FDFT1: variants seen among roughly 807,000 people sequenced by gnomAD.
FDFT1 encodes farnesyl-diphosphate farnesyltransferase 1, also known as squalene synthase.
In FDFT1, 68 loss-of-function variants were observed where a neutral mutation model predicts 46.8. That is an observed-to-expected ratio of 1.45 (90% CI 1.19 to 1.78). The LOEUF is 1.78. Ranked by LOEUF, FDFT1 falls within the 40% of genes most tolerant of loss-of-function variation. FDFT1 has a pLI of 0.00. For missense variants in FDFT1, 928 were observed against 524.4 expected (o/e 1.77, Z -7.52); for synonymous variants, 351 against 185.1 (o/e 1.90, Z -7.28).
At chr8:11,812,881 G>A (rs1488590876) in intron 3 of FDFT1, among the ~76,000 whole-genome samples, 1 of 152,198 alleles carries the variant, frequency 6.6e-6, no homozygotes, top group Admixed American at 6.5e-5. Flanking sequence ...TTCGATTAGA[G>A]TACAGTCATG....
chr8:11,812,174 G>A (rs531871106), intron 3 of FDFT1, among the ~76,000 whole-genome samples: 6 of 152,314 alleles, frequency 3.9e-5, no homozygotes, highest in African/African-American at 1.4e-4. Flanking sequence ...CTGGGGCCAT[G>A]GGAATGTGCT....
At chr8:11,812,110 C>A (rs1807798133) in intron 3 of FDFT1, among the ~76,000 whole-genome samples, 4 of 152,206 alleles carry the variant, frequency 2.6e-5, no homozygotes, top group Admixed American at 2.0e-4. Context: ...TGAAACTCCT[C>A]ACTTCAGAGT....
intron 3 of FDFT1, among the ~76,000 whole-genome samples, chr8:11,814,350 A>G (rs1808151932): frequency 1.4e-5 from 2 of 138,382 alleles, no homozygotes; most frequent in African/African-American, 2.8e-5. Context: ...AGTTGATGTT[A>G]ATCAGAAATC....
At chr8:11,802,103 A>G (rs900674443), upstream of FDFT1, 5 of 454,948 alleles carry the variant, frequency 1.1e-5, no homozygotes, top group Middle Eastern at 5.1e-4. Context: ...CTGGATCTCA[A>G]GTAAACACTA....
At chr8:11,837,390 C>G (rs534218724) in intron 7 of FDFT1, among the ~76,000 whole-genome samples, 2 of 152,288 alleles carry the variant, frequency 1.3e-5, no homozygotes, top group South Asian at 2.1e-4. Flanking sequence ...TGCCACGATG[C>G]CCGGCTAATT....
intron 3 of FDFT1, among the ~76,000 whole-genome samples, chr8:11,812,419 C>A (rs949527609): frequency 6.6e-5 from 10 of 152,128 alleles, no homozygotes; most frequent in African/African-American, 2.4e-4. Flanking sequence ...GATATCCTCT[C>A]AAATGAATGT....
At chr8:11,808,732 A>G (rs1257109969) in intron 1 of FDFT1, 62 bp from the exon 2 acceptor site, 2 of 1,559,986 alleles carry the variant, frequency 1.3e-6, no homozygotes, top group African/African-American at 1.7e-5. Context: ...TCCCACTCCC[A>G]CTCCCACTCC....
chr8:11,814,078 A>G (rs1443082684), intron 3 of FDFT1, among the ~76,000 whole-genome samples: 2 of 152,202 alleles, frequency 1.3e-5, no homozygotes, highest in Admixed American at 1.3e-4. Context: ...GCTCCTTCCC[A>G]CCCTCATTGA....
intron 7 of FDFT1, among the ~76,000 whole-genome samples, chr8:11,833,372 A>C (rs1811121607): frequency 6.6e-6 from 1 of 152,226 alleles, no homozygotes; most frequent in African/African-American, 2.4e-5. Context: ...TAAGGGGTTC[A>C]ACTACCCTTT....
At chr8:11,803,977 C>T (rs1197662899) in intron 1 of FDFT1, 1 of 152,320 alleles carries the variant, frequency 6.6e-6, no homozygotes, top group East Asian at 1.9e-4. Context: ...TACAGAATAA[C>T]TTCTATTATT....
intron 1 of FDFT1, 181 bp from the exon 2 acceptor site, chr8:11,808,613 C>T (rs1381517114): frequency 4.3e-6 from 6 of 1,391,812 alleles, no homozygotes; most frequent in African/African-American, 1.5e-5. Flanking sequence ...CGGGCGCAGG[C>T]ACCGCCCCGC....
In FDFT1 at chr8:11,831,551, A is replaced by C. The variant is rs750785313; in HGVS notation, c.913A>C (p.Asn305His). 3.7e-6 allele frequency: 6 copies of C among 1,614,106 alleles called. No individual in the cohort carries two copies. The South Asian group carries it at 5.5e-5, about 15-fold the overall frequency. Residue 305 changes from asparagine (N) to histidine (H), a missense_variant, in exon 7 of 8, where the codon AAT becomes CAT. Transcript: ENST00000220584. ...CATTGCCACTTTGGCTGCCTGTTAT[A>C]ATAACCAGCAGGTGTTCAAAGGGGC... ...MAIATLAACY[N>H]NQQVFKGAVK...
intron 3 of FDFT1, among the ~76,000 whole-genome samples, chr8:11,814,415 C>G (rs1238636396): frequency 6.6e-6 from 1 of 150,810 alleles, no homozygotes; most frequent in Non-Finnish European, 1.5e-5. Context: ...TGGTTTTCCT[C>G]TGGGCTCTTA....
At chr8:11,823,197 C>A (rs1342810277) in intron 4 of FDFT1, among the ~76,000 whole-genome samples, 2 of 152,112 alleles carry the variant, frequency 1.3e-5, no homozygotes, top group African/African-American at 4.8e-5. Flanking sequence ...ATCAAACAGT[C>A]CTCCCACTCT....
At position 11,808,278 on chromosome 8, in the gene FDFT1, C is replaced by G. The variant is rs982725261; in HGVS notation, c.100-516C>G. The G allele has an allele frequency of 9.8e-6, 12 of 1,219,640 alleles. No individual in the cohort carries two copies. In the African/African-American group the frequency reaches 1.6e-4, roughly 16 times the overall value. 75.6% of individuals were successfully genotyped at this position (1,219,640 alleles called of 1,614,324 possible). ...TCACTGGGAGGACGAGCGAGCCGCTCGGAAGTGCGCTGGGTTCCCTTAGCG... is the reference window on the plus strand; with the variant it reads ...TCACTGGGAGGACGAGCGAGCCGCTGGGAAGTGCGCTGGGTTCCCTTAGCG... On this transcript the variant is annotated intron_variant, in intron 1 of 7. Transcript: ENST00000220584.
chr8:11,808,199 T>G, intron 1 of FDFT1: 1 of 1,060,704 alleles, frequency 9.4e-7, no homozygotes, highest in Non-Finnish European at 1.2e-6. Context: ...CCAGGCCTTA[T>G]TGGGAAGAGG....
chr8:11,822,123 G>C (rs1325932956), intron 4 of FDFT1, among the ~76,000 whole-genome samples: 1 of 152,176 alleles, frequency 6.6e-6, no homozygotes, highest in Non-Finnish European at 1.5e-5. Flanking sequence ...TCTAGACAAA[G>C]GGATGTAATT....
At chr8:11,809,150 A>C (rs1457546104) in intron 2 of FDFT1, 55 of 1,302,344 alleles carry the variant, frequency 4.2e-5, no homozygotes, top group Non-Finnish European at 5.3e-5. Flanking sequence ...TAGTCTTGGC[A>C]GCTGAACCTG....
chr8:11,818,578 G>A (rs1453921366), intron 3 of FDFT1, among the ~76,000 whole-genome samples: 1 of 152,180 alleles, frequency 6.6e-6, no homozygotes, highest in Non-Finnish European at 1.5e-5. Context: ...AAGATAGTTA[G>A]CTCTTCTTGT....
Sources: gnomAD v4.1 joint callset for allele counts (sites outside exome capture counted in the v4.1 genomes callset) on GRCh38, gnomAD v4.1.1 for gene constraint, MANE v1.5 for transcripts, NCBI Gene and HGNC (gene_info 2026-07-23, HGNC 2026-07-21) for gene names.